The following ACTN1 variants were observed in gnomAD, a reference collection of about 807,000 sequenced individuals.
The protein encoded by ACTN1 is actinin alpha 1.
A neutral mutation model predicts 119.6 loss-of-function variants in ACTN1; 30 were observed. That is an observed-to-expected ratio of 0.25 (90% CI 0.19 to 0.34). The LOEUF (loss-of-function observed/expected upper bound fraction) is 0.34, where lower values mean the gene tolerates loss of function less well. ACTN1 is among the 10% of genes least tolerant of loss of function. The pLI is 1.00. For synonymous variants in ACTN1, 429 were observed against 472.6 expected, an observed-to-expected ratio of 0.91 and a Z score of 1.20; for missense variants, 764 against 1,223.4, an observed-to-expected ratio of 0.62 and a Z score of 5.60.
At position 68,878,649 on chromosome 14, in the gene ACTN1, T is replaced by A; in HGVS notation, c.2362-126A>T. On this transcript the variant is annotated intron_variant, in intron 19 of 21. Transcript: ENST00000394419. The surrounding 1 kb of genome is among the most constrained non-coding windows in gnomAD (Gnocchi z 4.4). ...GGGATGAGATTTATGGTTTTGGGGG[T>A]CAGGATAGGTAAAGGAACATAGGAG... 6.4e-7 allele frequency: 1 copy of A among 1,550,390 alleles called. No homozygotes were observed.
chr14:68,960,571 T>C (rs1219365105), intron 1 of ACTN1, among the ~76,000 whole-genome samples: 2 of 152,162 alleles, frequency 1.3e-5, no homozygotes, highest in Non-Finnish European at 2.9e-5. Context: ...TTCTTAACAA[T>C]TGTCTCACCT....
At chr14:68,931,064 C>T (rs1366857131) in intron 1 of ACTN1, among the ~76,000 whole-genome samples, 1 of 152,214 alleles carries the variant, frequency 6.6e-6, no homozygotes, top group Admixed American at 6.5e-5. Context: ...ACACTTTCTG[C>T]TCCACCCGAA....
intron 1 of ACTN1, among the ~76,000 whole-genome samples, chr14:68,934,175 C>T (rs1167552432): frequency 1.3e-5 from 2 of 152,202 alleles, no homozygotes; most frequent in East Asian, 1.9e-4. Flanking sequence ...AAGTTACACA[C>T]GTAATAATGT....
chr14:68,885,383 T>C lies in ACTN1; in HGVS notation c.1385+42A>G. The C allele has an allele frequency of 7.1e-7, 1 of 1,402,450 alleles. No individual in the cohort carries two copies. The highest frequency in any genetic ancestry group is 9.5e-7 in the Non-Finnish European group (1 of 1,049,260). The allele number at this position is 1,402,450 out of a possible 1,614,324, so 86.9% of individuals were successfully genotyped here. A position where few individuals can be genotyped will look rare whatever the true frequency, so the allele number is the denominator to read the frequency against. ...CCCCAGCAGCTGAGAAAGCCCAGCC[T>C]CAGCCCCTCACCACAGGGTAGGGGT... On this transcript the variant is annotated intron_variant, in intron 12 of 21. Transcript: ENST00000394419. The surrounding 1 kb of genome is among the most constrained non-coding windows in gnomAD (Gnocchi z 5.6).
rs117351029 is a variant in ACTN1, at chr14:68,891,459, G to A, written c.1086+594C>T. ...CAGGGGACACTTGAGTACAGAAACC[G>A]GGAAAAAATGTTTAATTTCAAATAC... is the stretch of plus-strand genomic sequence containing the variant. On this transcript the variant is annotated intron_variant, in intron 10 of 21. Coordinates refer to ENST00000394419, the MANE Select transcript of ACTN1 (RefSeq NM_001130004.2). Among the ~76,000 whole-genome samples, 1,161 of 152,118 alleles carry A rather than the reference G, an allele frequency of 7.6e-3. 8 individuals are homozygous for A. Among genetic ancestry groups the A allele is most frequent in the Non-Finnish European group, 0.012 (797 of 67,998 alleles).
At chr14:68,950,294 CAAAAAAAAAAAA>C (rs60899029) in intron 1 of ACTN1, among the ~76,000 whole-genome samples, 34 of 121,522 alleles carry the variant, frequency 2.8e-4, no homozygotes, top group Admixed American at 3.2e-4. Context: ...GTTGTTGTCT[CAAAAAAAAAAAA>C]AAAAAAAAAA....
rs371181582 is a variant in ACTN1 at position 68,941,793 on chromosome 14, G to T, written c.106-16121C>A. Among the ~76,000 whole-genome samples, 38 of 152,220 alleles carry T rather than the reference G, an allele frequency of 2.5e-4. 1 individual carries two copies. The highest frequency in any genetic ancestry group is 8.7e-4 in the African/African-American group (36 of 41,526). On this transcript the variant is annotated intron_variant, in intron 1 of 21. Coordinates refer to ENST00000394419, the MANE Select transcript of ACTN1 (RefSeq NM_001130004.2). ...CTAAACGGTCCCAGGTAGCATCAAG[G>T]GATCATGGGGGACACCTTGGCACCC... is the stretch of plus-strand genomic sequence containing the variant.
chr14:68,904,968 TG>T (rs1181484068), intron 6 of ACTN1, among the ~76,000 whole-genome samples: 1 of 152,120 alleles, frequency 6.6e-6, no homozygotes, highest in Non-Finnish European at 1.5e-5. Flanking sequence ...GTCAGGAAAA[TG>T]GGGCGAAGTA....
intron 8 of ACTN1, among the ~76,000 whole-genome samples, chr14:68,895,497 C>T (rs999481474): frequency 2.0e-5 from 3 of 152,062 alleles, no homozygotes; most frequent in African/African-American, 4.8e-5. Context: ...AGCAGCTTGC[C>T]GGAAGCCCCA....
In ACTN1 at chr14:68,882,479, G is replaced by A. The variant is rs181465; in HGVS notation, c.1932C>T (p.Pro644=). The change falls in exon 16 of 22, where the codon CCC becomes CCT. Residue 644 remains proline, a synonymous_variant. Coordinates refer to ENST00000394419, the MANE Select transcript of ACTN1 (RefSeq NM_001130004.2). The surrounding 1 kb of genome is among the most constrained non-coding windows in gnomAD (Gnocchi z 4.5). ...QFGAQANVIG[P]WIQTKMEEIG... is the part of the protein sequence containing the mutation. ...CCACCTCCATCTTGGTCTGGATCCA[G>A]GGCCCGATGACATTGGCCTGGGCTC... is the stretch of plus-strand genomic sequence containing the variant. 2,707 of 1,614,196 alleles carry A rather than the reference G, an allele frequency of 1.7e-3. 34 individuals are homozygous for A. The African/African-American group carries it at 0.031, about 18-fold the overall frequency.
intron 2 of ACTN1, among the ~76,000 whole-genome samples, chr14:68,921,998 G>A (rs2034675463): frequency 6.6e-6 from 1 of 152,202 alleles, no homozygotes; most frequent in African/African-American, 2.4e-5. Context: ...AGAACAAAGA[G>A]CATCCAGGGG....
intron 1 of ACTN1, among the ~76,000 whole-genome samples, chr14:68,967,046 C>T (rs769887287): frequency 3.9e-5 from 6 of 152,316 alleles, no homozygotes; most frequent in Non-Finnish European, 7.4e-5. Context: ...TACCATTGGA[C>T]GCACCAGCTC....
rs553017861 is a variant in ACTN1, at chr14:68,888,824, T to A, written c.1234+1315A>T. Among the ~76,000 whole-genome samples the A allele has an allele frequency of 2.0e-5, 3 of 152,300 alleles. No homozygotes were observed. The South Asian group carries it at 6.2e-4, about 32-fold the overall frequency. ...TATGAGAATCTAATGCCTGATGATCTGAAGTAGAACAGTCATCCTGAAAGC... is the reference window on the plus strand; with the variant it reads ...TATGAGAATCTAATGCCTGATGATCAGAAGTAGAACAGTCATCCTGAAAGC... On this transcript the variant is annotated intron_variant, in intron 11 of 21. Coordinates refer to ENST00000394419, the MANE Select transcript of ACTN1 (RefSeq NM_001130004.2).
rs780021502 is a variant in ACTN1 at position 68,885,510 on chromosome 14, G to A, written c.1300C>T (p.Leu434Phe). The change falls in exon 12 of 22, where the codon CTC becomes TTC. Residue 434 changes from leucine (L) to phenylalanine (F), a missense_variant. Leu to Phe is a conservative substitution (Grantham distance 22). Around this residue, in one of 4 missense-constraint regions of ACTN1, gnomAD observed 544 missense variants for 912.0 expected, o/e 0.60. Transcript: ENST00000394419. The surrounding 1 kb of genome is among the most constrained non-coding windows in gnomAD (Gnocchi z 5.6). ...TATLSEIKAL[L>F]KKHEAFESDL... The stretch of plus-strand genomic sequence containing the variant: ...CTCTCGAAGGCCTCATGCTTCTTGA[G>A]CAGGGCCTTGATCTCCGAGAGGGTG... The A allele has an allele frequency of 6.2e-7, 1 of 1,614,132 alleles. No homozygotes were observed. The highest frequency in any genetic ancestry group is 8.5e-7 in the Non-Finnish European group (1 of 1,180,020).
At chr14:68,902,359 G>T in intron 8 of ACTN1, 118 bp downstream of exon 8, 1 of 883,038 alleles carries the variant, frequency 1.1e-6, no homozygotes. Flanking sequence ...GCCTCTGTCC[G>T]AGAGACCAGA....
In ACTN1 at chr14:68,953,710, C is replaced by A. The variant is rs574556053; in HGVS notation, c.105+25242G>T. 7.1e-4 allele frequency among the ~76,000 whole-genome samples: 107 copies of A among 150,236 alleles called. 1 individual carries two copies. In the South Asian group the frequency reaches 0.022, roughly 31 times the overall value. On this transcript the variant is annotated intron_variant, in intron 1 of 21. Coordinates refer to ENST00000394419, the MANE Select transcript of ACTN1 (RefSeq NM_001130004.2). ...TGGCCAATATGGTGAAACCCCATCTCTACTAAAAATACAAAAAAAAAAAAA... is the reference window on the plus strand; with the variant it reads ...TGGCCAATATGGTGAAACCCCATCTATACTAAAAATACAAAAAAAAAAAAA...
intron 21 of ACTN1, chr14:68,875,228 C>T: frequency 4.4e-6 from 6 of 1,363,750 alleles, no homozygotes; most frequent in Non-Finnish European, 5.9e-6. Context: ...CTCAGGTTTT[C>T]CACTTCAGTA....
intron 1 of ACTN1, among the ~76,000 whole-genome samples, chr14:68,933,384 C>A: frequency 6.6e-6 from 1 of 152,172 alleles, no homozygotes; most frequent in Non-Finnish European, 1.5e-5. Flanking sequence ...GATCCGCCCG[C>A]CTCAGCCTCC....
At chr14:68,923,438 G>A (rs2034757144) in intron 2 of ACTN1, among the ~76,000 whole-genome samples, 1 of 152,130 alleles carries the variant, frequency 6.6e-6, no homozygotes, top group Admixed American at 6.5e-5. Context: ...GCATTTTGAA[G>A]AATGATAAAT....
Sources: gnomAD v4.1 joint callset for allele counts (sites outside exome capture counted in the v4.1 genomes callset) on GRCh38, gnomAD v4.1.1 for gene constraint, gnomAD v4.1.1 regional missense constraint, Gnocchi (gnomAD v3.1) non-coding constraint, MANE v1.5 for transcripts, NCBI Gene and HGNC (gene_info 2026-07-23, HGNC 2026-07-21) for gene names.